Variants in FAM107A observed in about 807,000 individuals in gnomAD.
FAM107A encodes actin-associated protein FAM107A.
Under a neutral mutation model 13.7 loss-of-function variants are expected in FAM107A, and 19 were observed. The observed-to-expected ratio is 1.38, with a 90% CI of 0.97 to 2.03. FAM107A has a LOEUF of 2.03. Ranked by LOEUF, FAM107A falls within the 30% of genes most tolerant of loss-of-function variation. FAM107A has a pLI of 0.00. For missense variants in FAM107A, 203 were observed against 184.4 expected, an observed-to-expected ratio of 1.10 and a Z score of -0.58; for synonymous variants, 82 against 74.5, an observed-to-expected ratio of 1.10 and a Z score of -0.52.
chr3:58,613,513 G>C lies in FAM107A; in HGVS notation c.-70+13903C>G, dbSNP rs2065873693. ...TGCCCAGCCCCTGCCTGCTGCTCTG[G>C]CCTGACCAACTTGCTCTCAGTGCCC... On this transcript the variant is annotated intron_variant, in intron 1 of 3. Transcript: ENST00000465970. This position sits in a 1 kb window ranked among gnomAD's most constrained non-coding sequence, Gnocchi z 4.6. 6.6e-6 allele frequency among the ~76,000 whole-genome samples: 1 copy of C among 152,132 alleles called. No individual in the cohort carries two copies. Among genetic ancestry groups the C allele is most frequent in the Non-Finnish European group, 1.5e-5 (1 of 68,024 alleles).
At chr3:58,577,739 A>AG, upstream of FAM107A, 1 of 984,990 alleles carries the variant, frequency 1.0e-6, no homozygotes, top group Non-Finnish European at 1.2e-6. The surrounding 1 kb of genome is among the most constrained non-coding windows in gnomAD (Gnocchi z 4.9). Flanking sequence ...TCCCCATGGG[A>AG]GGGGAAGCCA....
At chr3:58,573,865 C>T (rs1225134079) in intron 1 of FAM107A, among the ~76,000 whole-genome samples, 1 of 152,220 alleles carries the variant, frequency 6.6e-6, no homozygotes, top group Non-Finnish European at 1.5e-5. Flanking sequence ...GGCTGTTTCC[C>T]ACTGAACAGC....
chr3:58,574,474 G>T (rs2063713806), intron 1 of FAM107A, among the ~76,000 whole-genome samples: 2 of 152,184 alleles, frequency 1.3e-5, no homozygotes, highest in Admixed American at 1.3e-4. Context: ...GCTGACTGTA[G>T]TTGGCCTGGT....
chr3:58,577,862 C>T, upstream of FAM107A: 2 of 285,348 alleles, frequency 7.0e-6, no homozygotes, highest in Non-Finnish European at 1.1e-5. This position sits in a 1 kb window ranked among gnomAD's most constrained non-coding sequence, Gnocchi z 4.9. Flanking sequence ...CTTAATTATC[C>T]ACGAATGGGT....
At chr3:58,590,189 C>A (rs972264570), upstream of FAM107A, among the ~76,000 whole-genome samples, 1 of 152,206 alleles carries the variant, frequency 6.6e-6, no homozygotes, top group African/African-American at 2.4e-5. Flanking sequence ...TCACCATGGC[C>A]CAAACAGAAC....
chr3:58,579,060 C>T (rs141269484), upstream of FAM107A, among the ~76,000 whole-genome samples: 93 of 152,266 alleles, frequency 6.1e-4, no homozygotes, highest in Middle Eastern at 3.4e-3. Context: ...TTCAGGATGA[C>T]GTCAGGCAGT....
In FAM107A at chr3:58,617,080, C is replaced by T. The variant is rs950422010; in HGVS notation, c.-70+10336G>A. ...AGCCACCGCGCCTGGCCTCGGCTAC[C>T]CAGTTTCTGATCGTTTGTTATGGCC... On this transcript the variant is annotated intron_variant, in intron 1 of 3. Coordinates refer to the FAM107A transcript ENST00000465970. The surrounding 1 kb of genome is among the most constrained non-coding windows in gnomAD (Gnocchi z 4.5). Among the ~76,000 whole-genome samples, 2 of 152,176 alleles carry T rather than the reference C, an allele frequency of 1.3e-5. No individual in the cohort carries two copies. The highest frequency in any genetic ancestry group is 4.8e-5 in the African/African-American group (2 of 41,438).
Position 58,587,076 on chromosome 3 carries a change from C to T in FAM107A, c.-140G>A, listed in dbSNP as rs1226546963. On this transcript the variant is annotated 5_prime_UTR_variant, in exon 1 of 4. Transcript: ENST00000447756. ...CCCGCTGAGGGTCAAGTTACGGCGG[C>T]GGCCGGAGGGGCGGGCGAGGAGACG... The T allele has an allele frequency of 3.7e-6, 5 of 1,357,116 alleles. No individual in the cohort carries two copies. In the African/African-American group the frequency reaches 4.6e-5, roughly 13 times the overall value. 84.1% of individuals were successfully genotyped at this position (1,357,116 alleles called of 1,614,324 possible). A position where few individuals can be genotyped will look rare whatever the true frequency, so the allele number is the denominator to read the frequency against.
At position 58,577,220 on chromosome 3, in the gene FAM107A, G is replaced by T; in HGVS notation, c.-6+89C>A. 1 of 575,672 alleles carries T rather than the reference G, an allele frequency of 1.7e-6. No individual in the cohort carries two copies. Among genetic ancestry groups the T allele is most frequent in the Non-Finnish European group, 2.2e-6 (1 of 455,540 alleles). 35.7% of individuals were successfully genotyped at this position (575,672 alleles called of 1,614,324 possible). A position where few individuals can be genotyped will look rare whatever the true frequency, so the allele number is the denominator to read the frequency against. ...TCAGGTCCACTGACAGCCCACTTCA[G>T]TGTACCGGGTCTGCCCTCCTTCCCT... On this transcript the variant is annotated intron_variant, in intron 1 of 3. Transcript: ENST00000360997. This position sits in a 1 kb window ranked among gnomAD's most constrained non-coding sequence, Gnocchi z 4.9.
Position 58,617,415 on chromosome 3 carries a change from A to G in FAM107A, c.-70+10001T>C, listed in dbSNP as rs35419977. Among the ~76,000 whole-genome samples the G allele has an allele frequency of 6.6e-6, 1 of 151,986 alleles. No homozygotes were observed. The highest frequency in any genetic ancestry group is 1.5e-5 in the Non-Finnish European group (1 of 67,988). ...AGGCCCCGTCCTGAGCTTCCTGAGG[A>G]GCCGGATGTCACCTAGACCAAGCCA... On this transcript the variant is annotated intron_variant, in intron 1 of 3. Coordinates refer to the FAM107A transcript ENST00000465970. This position sits in a 1 kb window ranked among gnomAD's most constrained non-coding sequence, Gnocchi z 4.5.
At chr3:58,582,815 T>C (rs1024430642) in intron 1 of FAM107A, among the ~76,000 whole-genome samples, 2 of 152,244 alleles carry the variant, frequency 1.3e-5, no homozygotes, top group Non-Finnish European at 2.9e-5. Flanking sequence ...TGTTTGTTTG[T>C]TTGAGACAGA....
At position 58,564,987 on chromosome 3, in the gene FAM107A, A is replaced by T. The variant is rs1374818353; in HGVS notation, c.*1601T>A. 6 of 152,192 alleles carry T rather than the reference A, an allele frequency of 3.9e-5. No individual in the cohort carries two copies. 9.4% of individuals were successfully genotyped at this position (152,192 alleles called of 1,614,324 possible). On this transcript the variant is annotated 3_prime_UTR_variant, in exon 4 of 4. Transcript: ENST00000360997. This position sits in a 1 kb window ranked among gnomAD's most constrained non-coding sequence, Gnocchi z 5.6. The stretch of plus-strand genomic sequence containing the variant: ...AGACCAGAACAATCCCTTTCCTCCG[A>T]CAGTCCCACGTTTGCTTCCAGGAAT...
upstream of FAM107A, among the ~76,000 whole-genome samples, chr3:58,581,736 T>C (rs558475271): frequency 6.6e-6 from 1 of 152,246 alleles, no homozygotes; most frequent in Admixed American, 6.5e-5. Flanking sequence ...TACAACAAGT[T>C]TGAACCGGGA....
chr3:58,603,737 C>T (rs1308027934), intron 1 of FAM107A, among the ~76,000 whole-genome samples: 1 of 152,126 alleles, frequency 6.6e-6, no homozygotes, highest in African/African-American at 2.4e-5. Context: ...AGGTACTTCC[C>T]AGCATCCATG....
chr3:58,605,245 C>T (rs2065783213), intron 1 of FAM107A, among the ~76,000 whole-genome samples: 1 of 152,196 alleles, frequency 6.6e-6, no homozygotes, highest in African/African-American at 2.4e-5. Flanking sequence ...CTCCCAGCCC[C>T]AGTTCACTCT....
rs1332130432 is a variant in FAM107A, at chr3:58,613,798, A to G, written c.-70+13618T>C. Reference sequence around the variant, plus strand: ...ACAGCTGCCAAGTCCTTGCCCTGGGATGGTGGAGACTGATGGGCAGGAGGC... The same window carrying G: ...ACAGCTGCCAAGTCCTTGCCCTGGGGTGGTGGAGACTGATGGGCAGGAGGC... On this transcript the variant is annotated intron_variant, in intron 1 of 3. Coordinates refer to the FAM107A transcript ENST00000465970. The surrounding 1 kb of genome is among the most constrained non-coding windows in gnomAD (Gnocchi z 4.6). Among the ~76,000 whole-genome samples the G allele has an allele frequency of 6.6e-6, 1 of 152,118 alleles. No homozygotes were observed. The highest frequency in any genetic ancestry group is 1.5e-5 in the Non-Finnish European group (1 of 68,000).
At position 58,565,058 on chromosome 3, in the gene FAM107A, T is replaced by A. The variant is rs1472797323; in HGVS notation, c.*1530A>T. 6.6e-6 allele frequency: 1 copy of A among 152,070 alleles called. No individual in the cohort carries two copies. Among genetic ancestry groups the A allele is most frequent in the Non-Finnish European group, 1.5e-5 (1 of 68,006 alleles). The allele number at this position is 152,070 out of a possible 1,614,324, so 9.4% of individuals were successfully genotyped here. On this transcript the variant is annotated 3_prime_UTR_variant, in exon 4 of 4. Transcript: ENST00000360997. ...GCTATCTGTGGCAGTTTTGGGAAAG[T>A]GAAAGGAGATGCTATTCCAGCACTG...
At chr3:58,603,485 T>C (rs1467451838) in intron 1 of FAM107A, among the ~76,000 whole-genome samples, 1 of 151,934 alleles carries the variant, frequency 6.6e-6, no homozygotes, top group Non-Finnish European at 1.5e-5. Context: ...CCTTTAAAAG[T>C]GTAAGGGAGG....
chr3:58,614,127 C>T (rs1367290651), intron 1 of FAM107A, among the ~76,000 whole-genome samples: 27 of 152,226 alleles, frequency 1.8e-4, no homozygotes. Flanking sequence ...CAGGGTTGAG[C>T]CCATTAGCCA....
Sources: gnomAD v4.1 joint callset for allele counts (sites outside exome capture counted in the v4.1 genomes callset) on GRCh38, gnomAD v4.1.1 for gene constraint, Gnocchi (gnomAD v3.1) non-coding constraint, MANE v1.5 for transcripts, NCBI Gene and HGNC (gene_info 2026-07-23, HGNC 2026-07-21) for gene names.